Variants in ZNF487 observed in about 807,000 individuals in gnomAD.
ZNF487 encodes zinc finger protein 487.
A neutral mutation model predicts 3.0 loss-of-function variants in ZNF487; 4 were observed. The observed-to-expected ratio is 1.35, with a 90% confidence interval of 0.66 to 3.08. The LOEUF (loss-of-function observed/expected upper bound fraction) is 3.08, where lower values mean the gene tolerates loss of function less well. Among genes scored for constraint, ZNF487 ranks in the 30% most tolerant of loss-of-function variants. The pLI, the probability that ZNF487 is intolerant of heterozygous loss-of-function variation, is 0.01. For synonymous variants in ZNF487, 55 were observed against 34.6 expected (o/e 1.59, Z -2.06); for missense variants, 146 against 98.7 (o/e 1.48, Z -2.03).
At chr10:43,519,214 T>G in the ZNF487 span, among the ~76,000 whole-genome samples, 184 of 152,144 alleles carry the variant, frequency 1.2e-3, no homozygotes, top group African/African-American at 4.2e-3. Context: ...CCATACATTA[T>G]CACACTCTTA....
At chr10:43,470,726 C>T (rs181201485) in intron 1 of ZNF487, among the ~76,000 whole-genome samples, 51 of 152,200 alleles carry the variant, frequency 3.4e-4, no homozygotes, top group African/African-American at 1.2e-3. Flanking sequence ...GCCATGTTGC[C>T]CAGGCTGGTG....
chr10:43,441,306 C>T (rs61859005), intron 1 of ZNF487, among the ~76,000 whole-genome samples: 4,234 of 152,064 alleles, frequency 0.028, 94 homozygotes, highest in South Asian at 0.04. Flanking sequence ...CACTCCTTCG[C>T]CCAGGCTGGA....
At chr10:43,492,898 T>G in the ZNF487 span, among the ~76,000 whole-genome samples, 1 of 152,262 alleles carries the variant, frequency 6.6e-6, no homozygotes, top group Admixed American at 6.5e-5. Context: ...TCTAATAGAA[T>G]TTTACTAATT....
At chr10:43,447,057 C>A (rs895253103) in intron 1 of ZNF487, among the ~76,000 whole-genome samples, 1 of 151,534 alleles carries the variant, frequency 6.6e-6, no homozygotes, top group Non-Finnish European at 1.5e-5. Flanking sequence ...GGCGTGGCAG[C>A]GTGCCCCTAC....
intron 1 of ZNF487, among the ~76,000 whole-genome samples, chr10:43,470,138 G>T (rs1840853894): frequency 6.6e-6 from 1 of 152,156 alleles, no homozygotes; most frequent in Non-Finnish European, 1.5e-5. Flanking sequence ...TTTGAGGTAT[G>T]CCTGTGTTTT....
intron 1 of ZNF487, among the ~76,000 whole-genome samples, chr10:43,441,718 C>T (rs1055778974): frequency 3.3e-5 from 5 of 151,888 alleles, no homozygotes; most frequent in African/African-American, 1.2e-4. Context: ...TCCTGAGTAC[C>T]TTGGATTATA....
intron 1 of ZNF487, among the ~76,000 whole-genome samples, chr10:43,446,573 A>AG (rs1311933324): frequency 6.7e-6 from 1 of 150,076 alleles, no homozygotes; most frequent in Non-Finnish European, 1.5e-5. Context: ...GGCCGGGCAG[A>AG]GGCGCTCCTC....
At chr10:43,448,777 A>G (rs1839902276) in intron 1 of ZNF487, among the ~76,000 whole-genome samples, 2 of 152,154 alleles carry the variant, frequency 1.3e-5, no homozygotes, top group Middle Eastern at 3.4e-3. Flanking sequence ...AGATCTTGCC[A>G]CTGTACTCCA....
intron 1 of ZNF487, among the ~76,000 whole-genome samples, chr10:43,472,087 C>T (rs958390268): frequency 2.6e-5 from 4 of 152,164 alleles, no homozygotes; most frequent in Non-Finnish European, 5.9e-5. Context: ...CATTTGTTAT[C>T]ACTTGTACTT....
chr10:43,437,194 C>G lies in ZNF487; in HGVS notation c.-162C>G. On this transcript the variant is annotated 5_prime_UTR_variant, in exon 1 of 4. Transcript: ENST00000437590. The stretch of plus-strand genomic sequence containing the variant: ...CTACGACTACCAGGTACCTCGGGTT[C>G]CTCCCTCCTCCGAGAGACCGCCGAG... The G allele has an allele frequency of 7.7e-6, 2 of 259,300 alleles. No individual in the cohort carries two copies. Among genetic ancestry groups the G allele is most frequent in the South Asian group, 6.0e-5 (2 of 33,304 alleles). The allele number at this position is 259,300 out of a possible 1,614,324, so 16.1% of individuals were successfully genotyped here. A position where few individuals can be genotyped will look rare whatever the true frequency, so the allele number is the denominator to read the frequency against.
intron 1 of ZNF487, among the ~76,000 whole-genome samples, chr10:43,441,296 C>T (rs1458685605): frequency 1.3e-5 from 2 of 151,732 alleles, no homozygotes; most frequent in Non-Finnish European, 2.9e-5. Flanking sequence ...GACGGAGTCT[C>T]ACTCCTTCGC....
the ZNF487 span, among the ~76,000 whole-genome samples, chr10:43,500,582 ACCTCTG>A: frequency 6.6e-6 from 1 of 151,984 alleles, no homozygotes; most frequent in Non-Finnish European, 1.5e-5. Flanking sequence ...GCTCACCGCA[ACCTCTG>A]CCTCCCGGGC....
At chr10:43,490,123 G>T in the ZNF487 span, among the ~76,000 whole-genome samples, 4 of 152,318 alleles carry the variant, frequency 2.6e-5, no homozygotes, top group African/African-American at 9.6e-5. Context: ...CCGAAGGCGG[G>T]TGGATCGCCT....
chr10:43,460,469 G>A (rs1840391970), intron 1 of ZNF487, among the ~76,000 whole-genome samples: 1 of 146,708 alleles, frequency 6.8e-6, no homozygotes, highest in African/African-American at 2.5e-5. Flanking sequence ...TCTGCCTCCC[G>A]GGTTCAAGCG....
the ZNF487 span, among the ~76,000 whole-genome samples, chr10:43,492,442 A>ATTATT: frequency 0.012 from 931 of 80,240 alleles, 9 homozygotes; most frequent in Non-Finnish European, 0.02. Context: ...ATTTTATTTT[A>ATTATT]TTATTTTATT....
At chr10:43,449,472 GA>G (rs767041800) in intron 1 of ZNF487, among the ~76,000 whole-genome samples, 7 of 152,026 alleles carry the variant, frequency 4.6e-5, no homozygotes, top group Non-Finnish European at 7.3e-5. Flanking sequence ...AATTTCATAG[GA>G]AAATTCTACT....
At chr10:43,516,961 C>T in the ZNF487 span, among the ~76,000 whole-genome samples, 3 of 152,212 alleles carry the variant, frequency 2.0e-5, no homozygotes, top group African/African-American at 7.2e-5. Flanking sequence ...ACACAGTATG[C>T]CTCTACCAGG....
rs1267689277 is a variant in ZNF487, at chr10:43,482,466, A to G, written c.*544A>G. The G allele has an allele frequency of 1.5e-5, 7 of 470,656 alleles. No homozygotes were observed. Among genetic ancestry groups the G allele is most frequent in the Non-Finnish European group, 3.0e-5 (7 of 230,608 alleles). The allele number at this position is 470,656 out of a possible 1,614,324, so 29.2% of individuals were successfully genotyped here. A position where few individuals can be genotyped will look rare whatever the true frequency, so the allele number is the denominator to read the frequency against. ...GGATATAGGTCATGCCTTGCAGTAC[A>G]TCAAAGAACACACACGGGACAAAAC... is the stretch of plus-strand genomic sequence containing the variant. On this transcript the variant is annotated 3_prime_UTR_variant, in exon 4 of 4. Transcript: ENST00000437590.
At chr10:43,504,045 C>T in the ZNF487 span, among the ~76,000 whole-genome samples, 1 of 152,108 alleles carries the variant, frequency 6.6e-6, no homozygotes, top group African/African-American at 2.4e-5. Context: ...GAGCAATAGG[C>T]CGTATCATAT....
Sources: allele counts gnomAD v4.1 joint callset (sites outside exome capture counted in the v4.1 genomes callset), GRCh38; gene constraint gnomAD v4.1.1; transcripts MANE v1.5; gene names NCBI Gene and HGNC (gene_info 2026-07-23, HGNC 2026-07-21).